The following CSRNP3 variants were observed in gnomAD, a reference collection of about 807,000 sequenced individuals.
CSRNP3 encodes cysteine and serine rich nuclear protein 3.
A neutral mutation model predicts 48.0 loss-of-function variants in CSRNP3; 12 were observed. That is an observed-to-expected ratio of 0.25 (90% CI 0.16 to 0.41). CSRNP3 has a LOEUF of 0.41. Among genes scored for constraint, CSRNP3 ranks in the 10% least tolerant of loss-of-function variants. The pLI is 1.00. For missense variants in CSRNP3, 580 were observed against 724.4 expected, an observed-to-expected ratio of 0.80 and a Z score of 2.29; for synonymous variants, 263 against 269.7, an observed-to-expected ratio of 0.98 and a Z score of 0.24.
At chr2:165,579,550 A>G (rs1021340907) in intron 3 of CSRNP3, among the ~76,000 whole-genome samples, 7 of 152,176 alleles carry the variant, frequency 4.6e-5, no homozygotes, top group Non-Finnish European at 7.3e-5. Flanking sequence ...TCTATAGACT[A>G]TAAGTTCTTC....
intron 5 of CSRNP3, among the ~76,000 whole-genome samples, chr2:165,675,138 A>AT (rs1255085312): frequency 2.0e-5 from 3 of 151,944 alleles, no homozygotes; most frequent in Non-Finnish European, 4.4e-5. Context: ...CAGTTTGAGG[A>AT]TTTTTTCTAA....
intron 2 of CSRNP3, among the ~76,000 whole-genome samples, chr2:165,508,333 T>C (rs1416411718): frequency 1.3e-5 from 2 of 152,152 alleles, no homozygotes; most frequent in East Asian, 1.9e-4. Flanking sequence ...GTGAGCCCCA[T>C]GTCCAAAAGA....
At chr2:165,624,096 A>T (rs1173423203) in intron 4 of CSRNP3, among the ~76,000 whole-genome samples, 1 of 152,130 alleles carries the variant, frequency 6.6e-6, no homozygotes, top group East Asian at 1.9e-4. Flanking sequence ...TTCTTCTTTC[A>T]TCCTCGTCTG....
intron 1 of CSRNP3, among the ~76,000 whole-genome samples, chr2:165,492,053 C>T (rs1684219488): frequency 6.6e-6 from 1 of 151,786 alleles, no homozygotes; most frequent in African/African-American, 2.4e-5. Flanking sequence ...TCCACTTTGT[C>T]CTCTTTCTAA....
intron 3 of CSRNP3, among the ~76,000 whole-genome samples, chr2:165,529,411 TC>T (rs1286959977): frequency 6.6e-6 from 1 of 152,126 alleles, no homozygotes; most frequent in Non-Finnish European, 1.5e-5. Flanking sequence ...AGCGGGAGTT[TC>T]CCTGCCCAAG....
In CSRNP3 at chr2:165,595,234, C is replaced by T. The variant is rs75788285; in HGVS notation, c.148+21C>T. ...TACCCGTGAGTACTGAAATCAGAAC[C>T]GAAGTCAATTGTCTGGTTCTACAGC... On this transcript the variant is annotated intron_variant, in intron 4 of 6. Coordinates refer to ENST00000651982, the MANE Select transcript of CSRNP3 (RefSeq NM_001172173.2). The T allele has an allele frequency of 4.1e-3, 6,528 of 1,586,986 alleles. 13 individuals carry two copies. Among genetic ancestry groups the T allele is most frequent in the Non-Finnish European group, 5.2e-3 (5,989 of 1,159,558 alleles).
Position 165,673,324 on chromosome 2 carries a change from G to C in CSRNP3, c.409-2988G>C, listed in dbSNP as rs10186676. ...GGCTAATTTTTGTATTTTTAGCAGA[G>C]ATGTGGTTTTGCCATGTTGCCCAGG... On this transcript the variant is annotated intron_variant, in intron 5 of 6. Coordinates refer to ENST00000651982, the MANE Select transcript of CSRNP3 (RefSeq NM_001172173.2). Among the ~76,000 whole-genome samples the C allele has an allele frequency of 5.1e-4, 77 of 151,836 alleles. No individual in the cohort carries two copies. In the South Asian group the frequency reaches 9.6e-3, roughly 19 times the overall value.
chr2:165,479,445 T>C (rs895986291), intron 1 of CSRNP3, among the ~76,000 whole-genome samples: 3 of 152,204 alleles, frequency 2.0e-5, no homozygotes, highest in Non-Finnish European at 4.4e-5. Context: ...AACCCCCATA[T>C]GCTTCAGTTT....
chr2:165,581,403 A>G (rs998307685), intron 3 of CSRNP3, among the ~76,000 whole-genome samples: 1 of 152,152 alleles, frequency 6.6e-6, no homozygotes, highest in Admixed American at 6.5e-5. Flanking sequence ...ATTGGGGTGA[A>G]GGAAGTGGGT....
chr2:165,661,235 A>G (rs1452472011), intron 5 of CSRNP3, among the ~76,000 whole-genome samples: 2 of 152,184 alleles, frequency 1.3e-5, no homozygotes, highest in African/African-American at 2.4e-5. Flanking sequence ...CAAAATATAG[A>G]TGCCCCTCAA....
chr2:165,471,312 C>T (rs922030850), intron 1 of CSRNP3, among the ~76,000 whole-genome samples: 19 of 151,688 alleles, frequency 1.3e-4, no homozygotes, highest in African/African-American at 2.7e-4. Context: ...TGGATCTTTC[C>T]GATTTTGTTT....
At chr2:165,495,753 T>A (rs1684275454) in intron 2 of CSRNP3, among the ~76,000 whole-genome samples, 1 of 152,064 alleles carries the variant, frequency 6.6e-6, no homozygotes, top group Non-Finnish European at 1.5e-5. Flanking sequence ...AGGTGTAAAC[T>A]TCCTTTTAAC....
chr2:165,676,701 A>G, intron 6 of CSRNP3, 93 bp downstream of exon 6: 1 of 1,172,504 alleles, frequency 8.5e-7, no homozygotes, highest in Non-Finnish European at 1.2e-6. Context: ...AGCTTCCCAC[A>G]TGTAAAAGAA....
chr2:165,651,816 C>T (rs985885738), intron 4 of CSRNP3, among the ~76,000 whole-genome samples: 1 of 151,864 alleles, frequency 6.6e-6, no homozygotes, highest in Non-Finnish European at 1.5e-5. Flanking sequence ...CCACCAAGCC[C>T]GGCTAATTTT....
At chr2:165,476,030 A>G (rs1683958515) in intron 1 of CSRNP3, among the ~76,000 whole-genome samples, 1 of 152,194 alleles carries the variant, frequency 6.6e-6, no homozygotes, top group African/African-American at 2.4e-5. Context: ...ATATAATACA[A>G]GTGTTAATTA....
chr2:165,585,217 T>G (rs1428564977), intron 3 of CSRNP3, among the ~76,000 whole-genome samples: 5 of 152,156 alleles, frequency 3.3e-5, no homozygotes, highest in East Asian at 3.8e-4. Context: ...AATGTGTTTT[T>G]TTTTTTTTTT....
intron 1 of CSRNP3, among the ~76,000 whole-genome samples, chr2:165,472,388 T>A (rs1215357330): frequency 2.0e-5 from 3 of 152,030 alleles, no homozygotes; most frequent in Admixed American, 2.0e-4. Context: ...ATTTAAAATT[T>A]AATATAAATC....
chr2:165,626,847 A>G (rs1200914941), intron 4 of CSRNP3, among the ~76,000 whole-genome samples: 1 of 152,172 alleles, frequency 6.6e-6, no homozygotes, highest in East Asian at 1.9e-4. Context: ...ATGCCTACCT[A>G]TGGTTTTCCG....
intron 3 of CSRNP3, among the ~76,000 whole-genome samples, chr2:165,591,068 A>G (rs1378870275): frequency 1.3e-5 from 2 of 150,860 alleles, no homozygotes; most frequent in African/African-American, 5.0e-5. Flanking sequence ...ACAGGAAGAT[A>G]TGGGAAAGTT....
Sources: gnomAD v4.1 joint callset for allele counts (sites outside exome capture counted in the v4.1 genomes callset) on GRCh38, gnomAD v4.1.1 for gene constraint, MANE v1.5 for transcripts, NCBI Gene and HGNC (gene_info 2026-07-23, HGNC 2026-07-21) for gene names.